GXYLT2: variants seen among roughly 807,000 people sequenced by gnomAD.
The protein encoded by GXYLT2 is glucoside xylosyltransferase 2, also known as glycosyltransferase 8 domain containing 4.
A neutral mutation model predicts 45.8 loss-of-function variants in GXYLT2; 53 were observed. The observed-to-expected ratio is 1.16, with a 90% confidence interval of 0.93 to 1.46. The LOEUF is 1.46. GXYLT2 is among the 40% of genes most tolerant of loss of function. The pLI, the probability that GXYLT2 is intolerant of heterozygous loss-of-function variation, is 0.00. For synonymous variants in GXYLT2, 219 were observed against 214.2 expected (o/e 1.02, Z -0.19); for missense variants, 551 against 544.4 (o/e 1.01, Z -0.12).
At chr3:72,915,043 C>T (rs140278871) in intron 2 of GXYLT2, among the ~76,000 whole-genome samples, 323 of 152,024 alleles carry the variant, frequency 2.1e-3, no homozygotes, top group African/African-American at 7.3e-3. Context: ...ATCCCAGCTA[C>T]TTAGGAGGCT....
At chr3:72,912,096 C>T (rs185135879) in intron 2 of GXYLT2, among the ~76,000 whole-genome samples, 8 of 149,866 alleles carry the variant, frequency 5.3e-5, no homozygotes, top group East Asian at 1.9e-4. Flanking sequence ...CAGCATTCTC[C>T]GCCTCCTGGA....
chr3:72,928,011 A>C (rs1410527538), intron 3 of GXYLT2, among the ~76,000 whole-genome samples: 1 of 152,242 alleles, frequency 6.6e-6, no homozygotes, highest in African/African-American at 2.4e-5. Flanking sequence ...AGAGGCTAAC[A>C]TAATGTCATC....
chr3:72,965,824 G>A (rs1252265419), intron 5 of GXYLT2, among the ~76,000 whole-genome samples: 1 of 152,178 alleles, frequency 6.6e-6, no homozygotes, highest in Non-Finnish European at 1.5e-5. Flanking sequence ...ATTGCCCCTG[G>A]TTGAGAACCA....
At chr3:72,907,101 C>G (rs1709526166) in intron 1 of GXYLT2, among the ~76,000 whole-genome samples, 1 of 152,130 alleles carries the variant, frequency 6.6e-6, no homozygotes, top group Non-Finnish European at 1.5e-5. Context: ...CAGATAATGG[C>G]AGGGAGAATG....
At chr3:72,918,270 G>C (rs2107096007) in intron 2 of GXYLT2, among the ~76,000 whole-genome samples, 1 of 152,212 alleles carries the variant, frequency 6.6e-6, no homozygotes, top group African/African-American at 2.4e-5. Flanking sequence ...TTTGTGGCAG[G>C]CTAGATTTGG....
chr3:72,900,215 A>G (rs1357778175), intron 1 of GXYLT2, among the ~76,000 whole-genome samples: 3 of 152,222 alleles, frequency 2.0e-5, no homozygotes, highest in Non-Finnish European at 4.4e-5. Context: ...AGTTTAATTA[A>G]GTCGCACGTT....
chr3:72,888,985 A>C (rs1179524993), intron 1 of GXYLT2, among the ~76,000 whole-genome samples: 1 of 152,204 alleles, frequency 6.6e-6, no homozygotes, highest in African/African-American at 2.4e-5. Context: ...CAGAAGGGAC[A>C]CTTGACCTAA....
intron 3 of GXYLT2, among the ~76,000 whole-genome samples, chr3:72,925,016 T>A (rs1328968512): frequency 6.6e-6 from 1 of 152,064 alleles, no homozygotes; most frequent in East Asian, 1.9e-4. Context: ...CATCTATCGG[T>A]CTGGAAACAC....
intron 3 of GXYLT2, among the ~76,000 whole-genome samples, chr3:72,936,405 G>A (rs972492832): frequency 6.6e-6 from 1 of 151,940 alleles, no homozygotes; most frequent in African/African-American, 2.4e-5. Context: ...TATAATCCCA[G>A]CACTTTGGGA....
chr3:72,917,202 C>T (rs114070456), intron 2 of GXYLT2, among the ~76,000 whole-genome samples: 1 of 152,074 alleles, frequency 6.6e-6, no homozygotes, highest in Non-Finnish European at 1.5e-5. Flanking sequence ...ACCTCTCAGA[C>T]TGTTAGAGGA....
intron 5 of GXYLT2, among the ~76,000 whole-genome samples, chr3:72,963,400 C>T (rs1710803124): frequency 6.6e-6 from 1 of 151,986 alleles, no homozygotes; most frequent in South Asian, 2.1e-4. Flanking sequence ...TGGCGAAACC[C>T]TGTTTCTACT....
intron 1 of GXYLT2, among the ~76,000 whole-genome samples, chr3:72,906,124 C>T (rs1709506401): frequency 6.6e-6 from 1 of 152,204 alleles, no homozygotes; most frequent in South Asian, 2.1e-4. Flanking sequence ...TTAGCATTAT[C>T]TTTAACATCT....
intron 3 of GXYLT2, among the ~76,000 whole-genome samples, chr3:72,936,215 C>T (rs766870590): frequency 1.3e-5 from 2 of 151,536 alleles, no homozygotes; most frequent in African/African-American, 2.4e-5. Context: ...TTGCTTGAAC[C>T]TGGGAGGCGG....
intron 3 of GXYLT2, among the ~76,000 whole-genome samples, chr3:72,935,181 G>A (rs1004678909): frequency 2.0e-5 from 3 of 151,982 alleles, no homozygotes; most frequent in Non-Finnish European, 4.4e-5. Context: ...AACACAATAT[G>A]TATTAAAGAA....
At position 72,895,995 on chromosome 3, in the gene GXYLT2, A is replaced by T. The variant is rs554550707; in HGVS notation, c.275+7487A>T. 4.6e-5 allele frequency among the ~76,000 whole-genome samples: 7 copies of T among 152,330 alleles called. No homozygotes were observed. The South Asian group carries it at 1.2e-3, about 27-fold the overall frequency. ...TTATGAGTCAGAAAACTGAGATCCG[A>T]GAGGTGAAATAATAATGTACATAAA... On this transcript the variant is annotated intron_variant, in intron 1 of 6. Transcript: ENST00000389617.
chr3:72,929,193 A>G, intron 3 of GXYLT2: 1 of 1,587,582 alleles, frequency 6.3e-7, no homozygotes, highest in Non-Finnish European at 8.5e-7. Flanking sequence ...GCTTTGAAGA[A>G]CTTTGCCAAA....
At position 72,969,392 on chromosome 3, in the gene GXYLT2, CA is replaced by C. The variant is rs11376005; in HGVS notation, c.1149+1690del. Among the ~76,000 whole-genome samples, 477 of 115,152 alleles carry C rather than the reference CA, an allele frequency of 4.1e-3. 1 individual carries two copies. Among genetic ancestry groups the C allele is most frequent in the Middle Eastern group, 9.9e-3 (2 of 202 alleles). 75.5% of individuals were successfully genotyped at this position (115,152 alleles called of 152,430 possible). On this transcript the variant is annotated intron_variant, in intron 6 of 6. Transcript: ENST00000389617. ...TGGGCAACAGAGCAAGACCCTGTCT[CA>C]AAAAAAAAAAAAAAAATTCACGACA...
chr3:72,902,748 C>T (rs1240704738), intron 1 of GXYLT2, among the ~76,000 whole-genome samples: 1 of 80,026 alleles, frequency 1.2e-5, no homozygotes, highest in East Asian at 2.0e-4. Context: ...GGCATGGTGG[C>T]TCATGCCTGT....
rs1710668006 is a variant in GXYLT2, at chr3:72,957,332, T to C, written c.956T>C (p.Ile319Thr). ...TGGGGAGACCAGGATTTATTAAATA[T>C]TATTTTTTATTTCAACCCAGGTAGG... ...ITWGDQDLLN[I>T]IFYFNPECLY... The change falls in exon 5 of 7, where the codon ATT (isoleucine) becomes ACT (threonine). Residue 319 changes from isoleucine (I) to threonine (T), a missense_variant. By Grantham distance (89) the Ile-to-Thr change is moderately conservative. Transcript: ENST00000389617. 3 of 1,610,620 alleles carry C rather than the reference T, an allele frequency of 1.9e-6. No homozygotes were observed. Among genetic ancestry groups the C allele is most frequent in the Non-Finnish European group, 1.7e-6 (2 of 1,178,186 alleles).
Sources: gnomAD v4.1 joint callset for allele counts (sites outside exome capture counted in the v4.1 genomes callset) on GRCh38, gnomAD v4.1.1 for gene constraint, MANE v1.5 for transcripts, NCBI Gene and HGNC (gene_info 2026-07-23, HGNC 2026-07-21) for gene names.